PAQR8: variants seen among roughly 807,000 people sequenced by gnomAD.
The protein encoded by PAQR8 is progestin and adipoQ receptor family member 8, also known as membrane progestin receptor beta.
Under a neutral mutation model 25.2 loss-of-function variants are expected in PAQR8, and 17 were observed. The observed-to-expected ratio is 0.67, with a 90% CI of 0.46 to 1.01. The LOEUF (loss-of-function observed/expected upper bound fraction) is 1.01, where lower values mean the gene tolerates loss of function less well. PAQR8 is among the 50% of genes least tolerant of loss of function. The probability of loss-of-function intolerance (pLI) is 0.00; values close to 1 mark genes in which losing one functional copy is unlikely to be tolerated. For missense variants in PAQR8, 392 were observed against 448.4 expected (o/e 0.87, Z 1.14); for synonymous variants, 204 against 190.6 (o/e 1.07, Z -0.58).
intron 1 of PAQR8, among the ~76,000 whole-genome samples, chr6:52,381,856 A>T (rs1763564806): frequency 6.6e-6 from 1 of 152,196 alleles, no homozygotes. Context: ...TACCCTAAAC[A>T]TTTAGTTTCT....
At position 52,404,360 on chromosome 6, in the gene PAQR8, C is replaced by A; in HGVS notation, c.*82C>A. On this transcript the variant is annotated 3_prime_UTR_variant, in exon 2 of 2. Transcript: ENST00000442253. ...ATACAATAGAAGCTGACTTTTAAGG[C>A]ATTGGCTTTTAAATTAATACATATA... 1 of 1,276,144 alleles carries A rather than the reference C, an allele frequency of 7.8e-7. No individual in the cohort carries two copies. The highest frequency in any genetic ancestry group is 1.1e-6 in the Non-Finnish European group (1 of 939,008). 79.1% of individuals were successfully genotyped at this position (1,276,144 alleles called of 1,614,324 possible). A position where few individuals can be genotyped will look rare whatever the true frequency, so the allele number is the denominator to read the frequency against.
chr6:52,388,115 C>A (rs1009701558), intron 1 of PAQR8, among the ~76,000 whole-genome samples: 1 of 152,192 alleles, frequency 6.6e-6, no homozygotes, highest in South Asian at 2.1e-4. Context: ...GTAGCTCATG[C>A]CTGTAATCCC....
intron 1 of PAQR8, among the ~76,000 whole-genome samples, chr6:52,365,155 A>ATCTG (rs1003918712): frequency 3.3e-5 from 5 of 152,104 alleles, no homozygotes; most frequent in Admixed American, 1.3e-4. Context: ...AGGTACCCAG[A>ATCTG]AAGCCATTTG....
intron 1 of PAQR8, among the ~76,000 whole-genome samples, chr6:52,396,491 A>G (rs1282719930): frequency 1.3e-5 from 2 of 152,228 alleles, no homozygotes; most frequent in Non-Finnish European, 2.9e-5. Flanking sequence ...TAGAATTTGT[A>G]TTGTAAACAA....
intron 1 of PAQR8, among the ~76,000 whole-genome samples, chr6:52,390,242 C>T (rs1375644677): frequency 6.6e-6 from 1 of 152,172 alleles, no homozygotes; most frequent in Non-Finnish European, 1.5e-5. Context: ...CATTTTGAAA[C>T]CAGTACTTTC....
chr6:52,370,587 A>G (rs919434947), intron 1 of PAQR8, among the ~76,000 whole-genome samples: 14 of 152,178 alleles, frequency 9.2e-5, no homozygotes, highest in African/African-American at 3.4e-4. Context: ...GAGACAGGGT[A>G]AAGTCAGTGG....
intron 1 of PAQR8, among the ~76,000 whole-genome samples, chr6:52,363,243 G>A (rs1159098106): frequency 6.6e-6 from 1 of 152,200 alleles, no homozygotes; most frequent in African/African-American, 2.4e-5. Context: ...GCAGCTTCCT[G>A]TGCAGCTGTG....
At chr6:52,394,106 C>T (rs1763740925) in intron 1 of PAQR8, among the ~76,000 whole-genome samples, 1 of 152,110 alleles carries the variant, frequency 6.6e-6, no homozygotes, top group South Asian at 2.1e-4. Flanking sequence ...AATAAGGACT[C>T]AAATTCAGAC....
chr6:52,382,686 A>G (rs189736417), intron 1 of PAQR8, among the ~76,000 whole-genome samples: 2 of 152,336 alleles, frequency 1.3e-5, no homozygotes, highest in South Asian at 2.1e-4. Flanking sequence ...TATAATTTCA[A>G]AATGTTTTCA....
chr6:52,400,860 A>G (rs1581798328), intron 1 of PAQR8, among the ~76,000 whole-genome samples: 1 of 152,346 alleles, frequency 6.6e-6, no homozygotes, highest in Middle Eastern at 3.4e-3. Flanking sequence ...GTATCTTACC[A>G]GTCTTTGTAT....
intron 1 of PAQR8, among the ~76,000 whole-genome samples, chr6:52,380,652 A>G (rs1763548399): frequency 6.6e-6 from 1 of 152,230 alleles, no homozygotes; most frequent in African/African-American, 2.4e-5. Context: ...TACATTTTTC[A>G]ATATGAGTTT....
Position 52,403,899 on chromosome 6 carries a change from C to T in PAQR8, c.686C>T (p.Ala229Val), listed in dbSNP as rs944131041. 6.2e-7 allele frequency: 1 copy of T among 1,614,122 alleles called. No individual in the cohort carries two copies. Among genetic ancestry groups the T allele is most frequent in the Non-Finnish European group, 8.5e-7 (1 of 1,180,046 alleles). Reference sequence around the variant, plus strand: ...TTTATCCTAGACATCAGCCCTGTGGCACACCGTGTGGCGCTCTGTCACCTG... The same window carrying T: ...TTTATCCTAGACATCAGCCCTGTGGTACACCGTGTGGCGCTCTGTCACCTG... ...LAFILDISPVAHRVALCHLAG... is the reference protein window; with the variant it reads ...LAFILDISPVVHRVALCHLAG... Residue 229 changes from alanine to valine, a missense_variant, in exon 2 of 2, where the codon GCA becomes GTA. Physicochemically the swap from Ala to Val is moderately conservative, Grantham distance 64 (BLOSUM62 0). Transcript: ENST00000442253.
intron 1 of PAQR8, among the ~76,000 whole-genome samples, chr6:52,393,294 T>C (rs574080388): frequency 6.6e-6 from 1 of 151,838 alleles, no homozygotes; most frequent in African/African-American, 2.4e-5. Context: ...CTAAACATCA[T>C]ATAAGTGTTT....
chr6:52,384,717 C>G (rs1581793032), intron 1 of PAQR8, among the ~76,000 whole-genome samples: 2 of 151,962 alleles, frequency 1.3e-5, no homozygotes, highest in East Asian at 3.9e-4. Flanking sequence ...CAATCCTAAG[C>G]AAAAGGAACA....
At chr6:52,386,616 C>T (rs1328006853) in intron 1 of PAQR8, among the ~76,000 whole-genome samples, 2 of 152,072 alleles carry the variant, frequency 1.3e-5, no homozygotes, top group African/African-American at 4.8e-5. Flanking sequence ...AAGAGCTAAA[C>T]ATTGGGTATA....
At chr6:52,386,915 TATC>T (rs959319035) in intron 1 of PAQR8, among the ~76,000 whole-genome samples, 2 of 152,246 alleles carry the variant, frequency 1.3e-5, no homozygotes, top group African/African-American at 2.4e-5. Flanking sequence ...GTAATTGTAA[TATC>T]ATGGAGATGA....
chr6:52,375,861 G>A (rs1428809413), intron 1 of PAQR8, among the ~76,000 whole-genome samples: 2 of 152,196 alleles, frequency 1.3e-5, no homozygotes, highest in Admixed American at 6.5e-5. Flanking sequence ...GGAAGATTTG[G>A]AAGTTGCAAC....
chr6:52,363,780 C>T (rs555722915), intron 1 of PAQR8, among the ~76,000 whole-genome samples: 1 of 152,352 alleles, frequency 6.6e-6, no homozygotes, highest in African/African-American at 2.4e-5. Context: ...CTGCTGCACC[C>T]TTGACCAGGT....
intron 1 of PAQR8, among the ~76,000 whole-genome samples, chr6:52,384,945 A>G (rs746229405): frequency 6.6e-6 from 1 of 152,222 alleles, no homozygotes; most frequent in Non-Finnish European, 1.5e-5. Context: ...TGGTGCTGGG[A>G]AAACTGGCCA....
Sources: allele counts gnomAD v4.1 joint callset (sites outside exome capture counted in the v4.1 genomes callset), GRCh38; gene constraint gnomAD v4.1.1; transcripts MANE v1.5; gene names NCBI Gene and HGNC (gene_info 2026-07-23, HGNC 2026-07-21).